Variants in PLD5 observed in about 807,000 individuals in gnomAD.
The protein encoded by PLD5 is phospholipase D family member 5.
In PLD5, 36 loss-of-function variants were observed where a neutral mutation model predicts 61.1. The observed-to-expected ratio is 0.59, with a 90% CI of 0.45 to 0.78. The LOEUF (loss-of-function observed/expected upper bound fraction) is 0.78. Among genes scored for constraint, PLD5 ranks in the 30% least tolerant of loss-of-function variants. PLD5 has a pLI of 0.00. For synonymous variants in PLD5, 243 were observed against 242.8 expected, an observed-to-expected ratio of 1.00 and a Z score of -0.01; for missense variants, 515 against 644.4, an observed-to-expected ratio of 0.80 and a Z score of 2.17.
intron 5 of PLD5, among the ~76,000 whole-genome samples, chr1:242,205,126 A>G (rs1669243882): frequency 6.6e-6 from 1 of 152,222 alleles, no homozygotes; most frequent in South Asian, 2.1e-4. Flanking sequence ...CTATCATGCC[A>G]TTTAGAACAT....
At chr1:242,151,505 C>A (rs999376351) in intron 5 of PLD5, among the ~76,000 whole-genome samples, 2 of 152,030 alleles carry the variant, frequency 1.3e-5, no homozygotes, top group Admixed American at 6.6e-5. Context: ...GTTTGCAGAG[C>A]ATCCCAAAAG....
At chr1:242,159,368 T>A (rs1325327020) in intron 5 of PLD5, among the ~76,000 whole-genome samples, 2 of 152,140 alleles carry the variant, frequency 1.3e-5, no homozygotes, top group Non-Finnish European at 2.9e-5. Context: ...GCAAGGTGTG[T>A]GTTGTCAGTG....
intron 4 of PLD5, among the ~76,000 whole-genome samples, chr1:242,225,943 GA>G (rs954039734): frequency 2.6e-5 from 4 of 152,128 alleles, no homozygotes; most frequent in Admixed American, 1.3e-4. Context: ...AACTTTATAA[GA>G]AACTGCCAAA....
rs180782911 is a variant in PLD5 at position 242,426,288 on chromosome 1, C to A, written c.190-78046G>T. On this transcript the variant is annotated intron_variant, in intron 1 of 9. Transcript: ENST00000536534. Reference sequence around the variant, plus strand: ...TCTTCTGAAATACCTCCTGGAGGACCTGCCTGAGACCGTTTCCAGTTAAAA... The same window carrying A: ...TCTTCTGAAATACCTCCTGGAGGACATGCCTGAGACCGTTTCCAGTTAAAA... 4.1e-4 allele frequency among the ~76,000 whole-genome samples: 59 copies of A among 144,094 alleles called. 1 individual carries two copies. In the East Asian group the frequency reaches 4.2e-3, roughly 10 times the overall value. 94.5% of individuals were successfully genotyped at this position (144,094 alleles called of 152,430 possible).
At chr1:242,470,982 G>A (rs1301714688) in intron 1 of PLD5, among the ~76,000 whole-genome samples, 5 of 152,192 alleles carry the variant, frequency 3.3e-5, no homozygotes, top group Admixed American at 6.5e-5. Context: ...TCTCTGGCAC[G>A]AAAAACACTG....
intron 2 of PLD5, among the ~76,000 whole-genome samples, chr1:242,343,359 A>ACTTT (rs1659949241): frequency 6.6e-6 from 1 of 152,214 alleles, no homozygotes; most frequent in Non-Finnish European, 1.5e-5. Flanking sequence ...AGAACAAAGT[A>ACTTT]ATTGGAAACT....
chr1:242,495,670 GAA>G (rs1381517467), intron 1 of PLD5, among the ~76,000 whole-genome samples: 1 of 152,146 alleles, frequency 6.6e-6, no homozygotes, highest in African/African-American at 2.4e-5. Context: ...AACAAGGAGA[GAA>G]GAGATCTAGG....
intron 5 of PLD5, chr1:242,203,432 G>T (rs316867): frequency 6.6e-6 from 1 of 152,156 alleles, no homozygotes; most frequent in Admixed American, 6.5e-5. Context: ...TGTAATCTGG[G>T]TGTTTGTTCC....
Position 242,493,752 on chromosome 1 carries a change from A to G in PLD5, c.189+30336T>C, listed in dbSNP as rs141183291. ...AGCAGAGGATAGTTACAGACCATCC[A>G]TGTTCAGCATCCCCTGGTGCCGGGA... On this transcript the variant is annotated intron_variant, in intron 1 of 9. Transcript: ENST00000536534. Among the ~76,000 whole-genome samples, 834 of 152,228 alleles carry G rather than the reference A, an allele frequency of 5.5e-3. 3 individuals are homozygous for G. Among genetic ancestry groups the G allele is most frequent in the African/African-American group, 0.018 (766 of 41,560 alleles).
At chr1:242,499,305 G>A (rs1668476752) in intron 1 of PLD5, among the ~76,000 whole-genome samples, 1 of 152,150 alleles carries the variant, frequency 6.6e-6, no homozygotes, top group African/African-American at 2.4e-5. Context: ...GTTCCATGGA[G>A]AAATAAAAAT....
intron 5 of PLD5, among the ~76,000 whole-genome samples, chr1:242,154,527 A>G (rs1232173008): frequency 1.3e-5 from 2 of 152,192 alleles, no homozygotes; most frequent in African/African-American, 4.8e-5. Context: ...GTCAATACCC[A>G]GTTTATTAAC....
intron 2 of PLD5, among the ~76,000 whole-genome samples, chr1:242,325,583 C>T (rs896239653): frequency 7.2e-5 from 11 of 151,876 alleles, no homozygotes; most frequent in South Asian, 2.1e-4. Flanking sequence ...CTTCAACCTC[C>T]GCCTGCTGGG....
At chr1:242,281,010 A>T (rs1454361511) in intron 3 of PLD5, among the ~76,000 whole-genome samples, 1 of 152,216 alleles carries the variant, frequency 6.6e-6, no homozygotes, top group Non-Finnish European at 1.5e-5. Context: ...GAGCCAGGGA[A>T]GATGGAGAAT....
At chr1:242,328,377 G>A (rs1658942980) in intron 2 of PLD5, among the ~76,000 whole-genome samples, 2 of 151,798 alleles carry the variant, frequency 1.3e-5, no homozygotes, top group South Asian at 2.1e-4. Context: ...TGTTCTACAT[G>A]TGTTCACACG....
upstream of PLD5, among the ~76,000 whole-genome samples, chr1:242,526,855 A>G (rs567796682): frequency 6.6e-6 from 1 of 152,326 alleles, no homozygotes; most frequent in East Asian, 1.9e-4. Context: ...CTTTTATAAT[A>G]TTGTTAACAG....
At chr1:242,401,572 G>A (rs754813149) in intron 1 of PLD5, among the ~76,000 whole-genome samples, 1 of 152,178 alleles carries the variant, frequency 6.6e-6, no homozygotes, top group Non-Finnish European at 1.5e-5. Context: ...AGCCACATGA[G>A]AGATGTGATG....
chr1:242,098,498 G>T (rs905384041), intron 9 of PLD5, among the ~76,000 whole-genome samples: 1 of 152,080 alleles, frequency 6.6e-6, no homozygotes, highest in African/African-American at 2.4e-5. Context: ...TTTGCCATGG[G>T]TTCGAACTTC....
At chr1:242,455,901 T>C (rs1297553624) in intron 1 of PLD5, among the ~76,000 whole-genome samples, 1 of 152,198 alleles carries the variant, frequency 6.6e-6, no homozygotes, top group Non-Finnish European at 1.5e-5. Context: ...CCAGTTGTGG[T>C]GCGGGATAGA....
At chr1:242,332,793 T>C (rs1418341273) in intron 2 of PLD5, among the ~76,000 whole-genome samples, 1 of 152,218 alleles carries the variant, frequency 6.6e-6, no homozygotes, top group South Asian at 2.1e-4. Flanking sequence ...GACTTTGTGA[T>C]ACTAATTGTG....
Sources: allele counts gnomAD v4.1 joint callset (sites outside exome capture counted in the v4.1 genomes callset), GRCh38; gene constraint gnomAD v4.1.1; transcripts MANE v1.5; gene names NCBI Gene and HGNC (gene_info 2026-07-23, HGNC 2026-07-21).